The following OTUD7B variants were observed in gnomAD, a reference collection of about 807,000 sequenced individuals.
OTUD7B encodes the protein OTU domain-containing protein 7B.
Under a neutral mutation model 82.2 loss-of-function variants are expected in OTUD7B, and 34 were observed. The ratio of observed to expected loss-of-function variants is 0.41; its 90% confidence interval spans 0.31 to 0.55. The LOEUF (loss-of-function observed/expected upper bound fraction) is 0.55, where lower values mean the gene tolerates loss of function less well. Among genes scored for constraint, OTUD7B ranks in the 20% least tolerant of loss-of-function variants. The pLI is 0.20. For synonymous variants in OTUD7B, 398 were observed against 402.7 expected (o/e 0.99, Z 0.14); for missense variants, 944 against 1,062.1 (o/e 0.89, Z 1.55).
intron 2 of OTUD7B, among the ~76,000 whole-genome samples, chr1:149,973,033 C>G (rs1650038183): frequency 6.6e-6 from 1 of 152,156 alleles, no homozygotes; most frequent in Non-Finnish European, 1.5e-5. Flanking sequence ...CTTCCCTCAC[C>G]ACCAAGTCAA....
At chr1:150,027,146 T>C in the OTUD7B span, among the ~76,000 whole-genome samples, 2 of 152,146 alleles carry the variant, frequency 1.3e-5, no homozygotes, top group Non-Finnish European at 2.9e-5. Context: ...TTATATCAGG[T>C]GATTCTGAAC....
intron 1 of OTUD7B, among the ~76,000 whole-genome samples, chr1:149,990,312 T>G (rs1553781732): frequency 6.6e-6 from 1 of 152,226 alleles, no homozygotes; most frequent in Non-Finnish European, 1.5e-5. Flanking sequence ...ATTCTTGAAG[T>G]CTGCACCTTT....
intron 3 of OTUD7B, 122 bp downstream of exon 3, chr1:149,970,941 T>A: frequency 1.1e-6 from 1 of 893,140 alleles, no homozygotes; most frequent in Non-Finnish European, 1.6e-6. Flanking sequence ...TCAGTCTGGG[T>A]TTGGCTGGGA....
At chr1:150,022,187 C>T in the OTUD7B span, among the ~76,000 whole-genome samples, 197 of 152,000 alleles carry the variant, frequency 1.3e-3, no homozygotes, top group Middle Eastern at 3.4e-3. Context: ...CACCTGAGGT[C>T]GGGAGTTCGA....
At chr1:150,042,388 GTCTCGAGC>G in the OTUD7B span, among the ~76,000 whole-genome samples, 1 of 151,674 alleles carries the variant, frequency 6.6e-6, no homozygotes, top group African/African-American at 2.4e-5. Context: ...GGCCAGGCTG[GTCTCGAGC>G]TCCTGACCTC....
rs1553771189 is a variant in OTUD7B, at chr1:149,944,105, C to T, written c.2284G>A (p.Gly762Ser). ...CGGTAGGGGGGTGGTAACAAGGCAC[C>T]CCTGTGAAGTCCATCCTTAGAGTGG... The part of the protein sequence containing the change: ...GSHSKDGLHR[G>S]ALLPPPYRVA... Residue 762 changes from glycine (G) to serine (S), a missense_variant, in exon 12 of 12, where the codon GGT (glycine) becomes AGT (serine). Physicochemically the swap from Gly to Ser is moderately conservative, Grantham distance 56. Transcript: ENST00000581312. 6.2e-7 allele frequency: 1 copy of T among 1,614,074 alleles called. No individual in the cohort carries two copies. The highest frequency in any genetic ancestry group is 2.2e-5 in the East Asian group (1 of 44,876).
chr1:149,950,789 G>GGTTTTT (rs1559828301), intron 7 of OTUD7B, among the ~76,000 whole-genome samples: 3 of 132,728 alleles, frequency 2.3e-5, no homozygotes, highest in African/African-American at 8.3e-5. Flanking sequence ...TGTGTTTTTT[G>GGTTTTT]TTTTTTTTTC....
chr1:150,049,482 G>C, the OTUD7B span, among the ~76,000 whole-genome samples: 1 of 152,094 alleles, frequency 6.6e-6, no homozygotes, highest in South Asian at 2.1e-4. Context: ...GCCATGAACA[G>C]AGGAAATTGT....
At chr1:149,973,230 T>A (rs1650050060) in intron 2 of OTUD7B, among the ~76,000 whole-genome samples, 1 of 152,230 alleles carries the variant, frequency 6.6e-6, no homozygotes, top group Admixed American at 6.5e-5. Flanking sequence ...AGTTTACTTT[T>A]GATTTCTTTC....
At chr1:150,059,242 A>G in the OTUD7B span, among the ~76,000 whole-genome samples, 1 of 122,568 alleles carries the variant, frequency 8.2e-6, no homozygotes, top group Non-Finnish European at 1.6e-5. Context: ...TTTACTAGAG[A>G]CAGGGTTTCA....
chr1:150,006,908 T>G lies in OTUD7B; in HGVS notation c.-67+3540A>C, dbSNP rs587642405. ...TCACAATGTACGGATGCCTGCCTGATTCCTTGTCCCTGAGTTCCTGAACCA... is the reference window on the plus strand; with the variant it reads ...TCACAATGTACGGATGCCTGCCTGAGTCCTTGTCCCTGAGTTCCTGAACCA... On this transcript the variant is annotated intron_variant, in intron 1 of 11. Transcript: ENST00000581312. 3.3e-5 allele frequency among the ~76,000 whole-genome samples: 5 copies of G among 152,300 alleles called. No homozygotes were observed. In the South Asian group the frequency reaches 1.0e-3, roughly 32 times the overall value.
rs782249469 is a variant in OTUD7B, at chr1:149,958,391, G to A, written c.845+1293C>T. On this transcript the variant is annotated intron_variant, in intron 7 of 11. Transcript: ENST00000581312. Reference sequence around the variant, plus strand: ...CGCCAGGGCTGGAGTGCAGTGGCACGAACTCGGCTGACTACAACCTCTGCT... The same window carrying A: ...CGCCAGGGCTGGAGTGCAGTGGCACAAACTCGGCTGACTACAACCTCTGCT... Among the ~76,000 whole-genome samples, 10 of 124,956 alleles carry A rather than the reference G, an allele frequency of 8.0e-5. No homozygotes were observed. The South Asian group carries it at 1.1e-3, about 14-fold the overall frequency. 82.0% of individuals were successfully genotyped at this position (124,956 alleles called of 152,430 possible). A position where few individuals can be genotyped will look rare whatever the true frequency, so the allele number is the denominator to read the frequency against.
intron 6 of OTUD7B, 24 bp from the exon 7 acceptor site, chr1:149,959,820 C>T: frequency 6.6e-7 from 1 of 1,510,814 alleles, no homozygotes; most frequent in Non-Finnish European, 9.2e-7. Context: ...AGGCAGGGGA[C>T]ATTGGGCAAT....
At chr1:149,992,894 T>C (rs1651688892) in intron 1 of OTUD7B, among the ~76,000 whole-genome samples, 1 of 152,062 alleles carries the variant, frequency 6.6e-6, no homozygotes, top group Non-Finnish European at 1.5e-5. Flanking sequence ...CTCACGCCTG[T>C]AATCCCAACA....
intron 7 of OTUD7B, among the ~76,000 whole-genome samples, chr1:149,956,013 T>A (rs1648639707): frequency 6.6e-6 from 1 of 152,252 alleles, no homozygotes; most frequent in African/African-American, 2.4e-5. Context: ...GTCTTTTTAA[T>A]TGGAGCATTT....
chr1:149,940,170 G>A lies in OTUD7B; in HGVS notation c.*3687C>T, dbSNP rs782597062. On this transcript the variant is annotated 3_prime_UTR_variant, in exon 12 of 12. Coordinates refer to ENST00000581312, the MANE Select transcript of OTUD7B (RefSeq NM_020205.4). ...GTATCACCCCGCAGATATACAACAC[G>A]AAGTCACTGCTAATTCTTGTTTGTC... 1.3e-5 allele frequency: 2 copies of A among 151,504 alleles called. No individual in the cohort carries two copies. Among genetic ancestry groups the A allele is most frequent in the Admixed American group, 6.6e-5 (1 of 15,228 alleles). 9.4% of individuals were successfully genotyped at this position (151,504 alleles called of 1,614,324 possible).
chr1:149,964,135 G>A, intron 6 of OTUD7B, 87 bp downstream of exon 6: 2 of 1,489,744 alleles, frequency 1.3e-6, no homozygotes, highest in Non-Finnish European at 9.2e-7. Context: ...CTAAACACTT[G>A]GAAATATTTT....
At chr1:150,015,922 G>A in the OTUD7B span, among the ~76,000 whole-genome samples, 19 of 152,150 alleles carry the variant, frequency 1.2e-4, no homozygotes, top group African/African-American at 4.6e-4. Context: ...AGGCTTTTGG[G>A]AAAGTCTTCT....
intron 2 of OTUD7B, among the ~76,000 whole-genome samples, chr1:149,974,699 G>A (rs1159527497): frequency 2.6e-5 from 4 of 151,014 alleles, no homozygotes; most frequent in Admixed American, 1.3e-4. Context: ...ACAGGCACCC[G>A]CCACCACACC....
Sources: gnomAD v4.1 joint callset for allele counts (sites outside exome capture counted in the v4.1 genomes callset) on GRCh38, gnomAD v4.1.1 for gene constraint, MANE v1.5 for transcripts, NCBI Gene and HGNC (gene_info 2026-07-23, HGNC 2026-07-21) for gene names.